The following NBEA variants were observed in gnomAD, a reference collection of about 807,000 sequenced individuals.
NBEA encodes the protein lysosomal-trafficking regulator 2.
A neutral mutation model predicts 343.4 loss-of-function variants in NBEA; 44 were observed. The ratio of observed to expected loss-of-function variants is 0.13; its 90% CI spans 0.10 to 0.16. NBEA has a LOEUF of 0.16. NBEA is among the 10% of genes least tolerant of loss of function. The pLI, the probability that NBEA is intolerant of heterozygous loss-of-function variation, is 1.00. For missense variants in NBEA, 2,555 were observed against 3,631.3 expected, an observed-to-expected ratio of 0.70 and a Z score of 7.62; for synonymous variants, 1,175 against 1,238.7, an observed-to-expected ratio of 0.95 and a Z score of 1.08.
chr13:35,587,208 T>A (rs2153040519), intron 46 of NBEA, among the ~76,000 whole-genome samples: 1 of 152,256 alleles, frequency 6.6e-6, no homozygotes. Context: ...GGAGTTCAAA[T>A]TCTGTTTGCT....
At chr13:34,994,151 T>G (rs892649316) in intron 1 of NBEA, among the ~76,000 whole-genome samples, 5 of 126,820 alleles carry the variant, frequency 3.9e-5, no homozygotes, top group Non-Finnish European at 1.5e-5. Flanking sequence ...TGAGCCGAGG[T>G]CATGCCACTG....
intron 48 of NBEA, among the ~76,000 whole-genome samples, chr13:35,620,779 A>AT (rs1393430037): frequency 6.6e-6 from 1 of 151,972 alleles, no homozygotes; most frequent in African/African-American, 2.4e-5. Context: ...GAAATTATTG[A>AT]TTCTGGGTGT....
chr13:35,190,301 A>T (rs1203659307), intron 30 of NBEA, among the ~76,000 whole-genome samples: 1 of 152,104 alleles, frequency 6.6e-6, no homozygotes, highest in African/African-American at 2.4e-5. Context: ...GCTTAAACAG[A>T]TGTGAGAATG....
At chr13:35,183,878 C>G (rs1566423961) in intron 29 of NBEA, 98 bp from the exon 30 acceptor site, 1 of 705,616 alleles carries the variant, frequency 1.4e-6, no homozygotes, top group African/African-American at 1.8e-5. Flanking sequence ...GTATTGTTTG[C>G]ATGTTGCAGT....
intron 41 of NBEA, among the ~76,000 whole-genome samples, chr13:35,477,855 C>G (rs1264886000): frequency 6.6e-6 from 1 of 152,148 alleles, no homozygotes; most frequent in East Asian, 1.9e-4. Context: ...CATTTCATTT[C>G]TGAATTTTGG....
At chr13:35,099,742 C>A (rs1409599745) in intron 11 of NBEA, among the ~76,000 whole-genome samples, 1 of 151,818 alleles carries the variant, frequency 6.6e-6, no homozygotes, top group Non-Finnish European at 1.5e-5. Context: ...TACTTTTTCC[C>A]ATTTTGTGTC....
chr13:35,505,694 G>A (rs867079489), intron 41 of NBEA, among the ~76,000 whole-genome samples: 34 of 152,088 alleles, frequency 2.2e-4, no homozygotes, highest in African/African-American at 5.8e-4. Flanking sequence ...TTTTCTCCTC[G>A]AAAAGGTTAA....
intron 1 of NBEA, among the ~76,000 whole-genome samples, chr13:34,969,596 G>A (rs1305062456): frequency 1.3e-5 from 2 of 151,960 alleles, no homozygotes; most frequent in Non-Finnish European, 2.9e-5. Flanking sequence ...TCCCCTCTAT[G>A]TGTCAGTGTA....
In NBEA at chr13:35,671,131, G is replaced by T. The variant is rs1566489979; in HGVS notation, c.*140G>T. ...TCACACCCAGCAATAGCTGTACATT[G>T]TAGTCAGCAACCATTTTACTTTGTG... On this transcript the variant is annotated 3_prime_UTR_variant, in exon 59 of 59. Transcript: ENST00000379939. 5 of 599,550 alleles carry T rather than the reference G, an allele frequency of 8.3e-6. No homozygotes were observed. In the South Asian group the frequency reaches 1.1e-4, roughly 13 times the overall value. 37.1% of individuals were successfully genotyped at this position (599,550 alleles called of 1,614,324 possible). A position where few individuals can be genotyped will look rare whatever the true frequency, so the allele number is the denominator to read the frequency against.
At chr13:35,113,599 A>ATCTATCTATCTG (rs1555307476) in intron 13 of NBEA, among the ~76,000 whole-genome samples, 1 of 150,828 alleles carries the variant, frequency 6.6e-6, no homozygotes, top group Non-Finnish European at 1.5e-5. Context: ...CTATCTATCT[A>ATCTATCTATCTG]TCTATCTATC....
At chr13:35,389,345 T>A in intron 38 of NBEA, among the ~76,000 whole-genome samples, 1 of 152,136 alleles carries the variant, frequency 6.6e-6, no homozygotes, top group East Asian at 1.9e-4. Context: ...TGAATACTCA[T>A]CATTATGCAG....
chr13:35,008,053 G>A (rs147702536), intron 1 of NBEA, among the ~76,000 whole-genome samples: 4 of 152,082 alleles, frequency 2.6e-5, no homozygotes, highest in Non-Finnish European at 4.4e-5. Context: ...TTTGATTTAC[G>A]CTGGTGCTGG....
In NBEA at chr13:35,184,195, T is replaced by C. The variant is rs985259297; in HGVS notation, c.4927+124T>C. The stretch of plus-strand genomic sequence containing the variant: ...TACCTCAGGTTTCATGGAGATATGA[T>C]ATGTTGTATTTATACCTAGCTATTG... On this transcript the variant is annotated intron_variant, in intron 30 of 58. Coordinates refer to ENST00000379939, the MANE Select transcript of NBEA (RefSeq NM_001385012.1). 3 of 627,298 alleles carry C rather than the reference T, an allele frequency of 4.8e-6. No individual in the cohort carries two copies. In the East Asian group the frequency reaches 9.3e-5, roughly 20 times the overall value. The allele number at this position is 627,298 out of a possible 1,614,324, so 38.9% of individuals were successfully genotyped here.
chr13:35,232,573 A>G lies in NBEA; in HGVS notation c.5730A>G (p.Leu1910=), dbSNP rs767439130. 14 of 1,557,452 alleles carry G rather than the reference A, an allele frequency of 9.0e-6. No homozygotes were observed. The East Asian group carries it at 2.4e-4, about 26-fold the overall frequency. The change falls in exon 34 of 59, where the codon CTA becomes CTG. Residue 1910 remains leucine (L), a synonymous_variant. Transcript: ENST00000379939. ...TTTTTGTAGACTTTGCCCCATTCCT[A>G]TCTCGTACACTTCTTGGCAGTCATG... is the stretch of plus-strand genomic sequence containing the variant. ...REIFVDFAPF[L]SRTLLGSHGQ...
intron 49 of NBEA, 66 bp from the exon 50 acceptor site, chr13:35,645,803 A>G: frequency 3.0e-6 from 3 of 986,618 alleles, no homozygotes; most frequent in Non-Finnish European, 4.5e-6. Flanking sequence ...GGAACCTATA[A>G]CTTTCTGAAT....
At chr13:35,088,331 G>A (rs767437032) in intron 10 of NBEA, among the ~76,000 whole-genome samples, 1 of 151,840 alleles carries the variant, frequency 6.6e-6, no homozygotes, top group Non-Finnish European at 1.5e-5. Context: ...TTGGACAGAC[G>A]TTATTTAGGA....
At chr13:35,087,219 T>G (rs530465917) in intron 10 of NBEA, among the ~76,000 whole-genome samples, 2 of 151,964 alleles carry the variant, frequency 1.3e-5, no homozygotes, top group East Asian at 3.9e-4. Flanking sequence ...CATGAAATAT[T>G]TGTACTGAAA....
intron 40 of NBEA, among the ~76,000 whole-genome samples, chr13:35,454,078 G>A (rs868245481): frequency 1.3e-5 from 2 of 152,102 alleles, no homozygotes; most frequent in Non-Finnish European, 2.9e-5. Flanking sequence ...GGATCCTTGT[G>A]TGTTACAGCT....
chr13:35,161,936 G>A lies in NBEA; in HGVS notation c.4048G>A (p.Ala1350Thr), dbSNP rs2069593382. The A allele has an allele frequency of 6.4e-7, 1 of 1,554,734 alleles. No individual in the cohort carries two copies. Among genetic ancestry groups the A allele is most frequent in the Non-Finnish European group, 8.7e-7 (1 of 1,148,556 alleles). The change falls in exon 23 of 59, where the codon GCA (alanine) becomes ACA (threonine). Residue 1350 changes from alanine (A) to threonine (T), a missense_variant. Transcript: ENST00000379939. ...GCGGCTTCTCACTGATTTACTATTT[G>A]CATTAGAAACTGATGTACATGTTTG... ...HQRLLTDLLF[A>T]LETDVHVWRS...
Sources: allele counts gnomAD v4.1 joint callset (sites outside exome capture counted in the v4.1 genomes callset), GRCh38; gene constraint gnomAD v4.1.1; transcripts MANE v1.5; gene names NCBI Gene and HGNC (gene_info 2026-07-23, HGNC 2026-07-21).